Variants in RABGAP1 observed in about 807,000 individuals in gnomAD.
The protein encoded by RABGAP1 is rab GTPase-activating protein 1.
Under a neutral mutation model 137.6 loss-of-function variants are expected in RABGAP1, and 23 were observed. The observed-to-expected ratio is 0.17, with a 90% confidence interval of 0.12 to 0.24. The LOEUF (loss-of-function observed/expected upper bound fraction) is 0.24, where lower values mean the gene tolerates loss of function less well. RABGAP1 is among the 10% of genes least tolerant of loss of function. RABGAP1 has a pLI of 1.00. For missense variants in RABGAP1, 906 were observed against 1,275.8 expected, an observed-to-expected ratio of 0.71 and a Z score of 4.42; for synonymous variants, 451 against 450.7, an observed-to-expected ratio of 1.00 and a Z score of -0.01.
At chr9:123,056,880 T>G (rs1263222882) in intron 13 of RABGAP1, among the ~76,000 whole-genome samples, 1 of 152,260 alleles carries the variant, frequency 6.6e-6, no homozygotes, top group East Asian at 1.9e-4. Context: ...GTCTACTTTC[T>G]ACACAGACAC....
chr9:123,007,734 G>T (rs533552862), intron 10 of RABGAP1, among the ~76,000 whole-genome samples: 1 of 150,714 alleles, frequency 6.6e-6, no homozygotes, highest in East Asian at 1.9e-4. Flanking sequence ...TGTTTTTATT[G>T]GGGAAAATTG....
In RABGAP1 at chr9:122,944,696, G is replaced by A. The variant is rs900711531; in HGVS notation, c.-50+3603G>A. On this transcript the variant is annotated intron_variant, in intron 1 of 25. Coordinates refer to ENST00000373647, the MANE Select transcript of RABGAP1 (RefSeq NM_012197.4). ...AGAGGTTCTCCTGCCTCAGCTTCCC[G>A]AGTAGCTGGGACTACAGGCGCGCAC... Among the ~76,000 whole-genome samples the A allele has an allele frequency of 4.6e-5, 7 of 151,278 alleles. No individual in the cohort carries two copies. The South Asian group carries it at 8.3e-4, about 18-fold the overall frequency.
At chr9:123,019,554 ATCT>A (rs2031475968) in intron 12 of RABGAP1, among the ~76,000 whole-genome samples, 1 of 152,128 alleles carries the variant, frequency 6.6e-6, no homozygotes, top group Admixed American at 6.5e-5. Flanking sequence ...GGTTCAAGAA[ATCT>A]TCCCACCTTG....
chr9:123,079,986 A>T (rs1257181616), intron 19 of RABGAP1, among the ~76,000 whole-genome samples: 1 of 152,254 alleles, frequency 6.6e-6, no homozygotes, highest in Non-Finnish European at 1.5e-5. Context: ...TAAGTGAATG[A>T]ATAAATACAC....
At chr9:123,069,777 A>G (rs1718226124) in intron 14 of RABGAP1, among the ~76,000 whole-genome samples, 1 of 152,136 alleles carries the variant, frequency 6.6e-6, no homozygotes, top group Admixed American at 6.5e-5. Flanking sequence ...CAGGCTACTC[A>G]GGAGGCTGAT....
rs1447161514 is a variant in RABGAP1, at chr9:123,015,628, G to A, written c.1635G>A (p.Leu545=). The change falls in exon 12 of 26, where the codon TTG becomes TTA. Residue 545 remains leucine, a synonymous_variant. Transcript: ENST00000373647. ...TTCTTGAAACATGGGGAGAACTGTTGTCAAAATGGTAAGTTATGATAGAAT... is the reference window on the plus strand; with the variant it reads ...TTCTTGAAACATGGGGAGAACTGTTATCAAAATGGTAAGTTATGATAGAAT... The part of the protein sequence containing the change: ...EKILETWGEL[L]SKWHLNLNVR... 2 of 1,605,006 alleles carry A rather than the reference G, an allele frequency of 1.2e-6. No homozygotes were observed. The highest frequency in any genetic ancestry group is 8.5e-7 in the Non-Finnish European group (1 of 1,172,410).
At chr9:123,047,118 A>G (rs1429668853) in intron 13 of RABGAP1, among the ~76,000 whole-genome samples, 1 of 152,248 alleles carries the variant, frequency 6.6e-6, no homozygotes. Context: ...ACAACTGTTC[A>G]GAGTTTGGTT....
intron 13 of RABGAP1, among the ~76,000 whole-genome samples, chr9:123,060,401 T>C (rs2033922275): frequency 6.6e-6 from 1 of 152,230 alleles, no homozygotes; most frequent in Non-Finnish European, 1.5e-5. Context: ...AGAGGTTCAT[T>C]TGTATTGCTG....
In RABGAP1 at chr9:123,079,197, TTTG is replaced by T. The variant is rs761293146; in HGVS notation, c.2424+2447_2424+2449del. 9.1e-3 allele frequency among the ~76,000 whole-genome samples: 1,298 copies of T among 141,906 alleles called. 12 individuals carry two copies. The highest frequency in any genetic ancestry group is 0.027 in the South Asian group (102 of 3,822). 93.1% of individuals were successfully genotyped at this position (141,906 alleles called of 152,430 possible). On this transcript the variant is annotated intron_variant, in intron 19 of 25. Coordinates refer to ENST00000373647, the MANE Select transcript of RABGAP1 (RefSeq NM_012197.4). ...TGTTTCTTTTTTAAATTTGTTTGCT[TTTG>T]TTGTTGTTGTTTGTTTTTTTGTTTT...
chr9:122,960,196 C>T (rs959856671), intron 2 of RABGAP1, among the ~76,000 whole-genome samples: 2 of 152,198 alleles, frequency 1.3e-5, no homozygotes. Context: ...GGGAGGAGAT[C>T]ACCAAGGGTC....
At chr9:122,962,236 T>TAA (rs949036670) in intron 2 of RABGAP1, among the ~76,000 whole-genome samples, 1 of 147,686 alleles carries the variant, frequency 6.8e-6, no homozygotes, top group African/African-American at 2.5e-5. Flanking sequence ...GCTTAAAGAT[T>TAA]AAAAAAAAAA....
At chr9:122,982,266 T>C (rs188267341) in intron 2 of RABGAP1, among the ~76,000 whole-genome samples, 1 of 152,330 alleles carries the variant, frequency 6.6e-6, no homozygotes, top group Non-Finnish European at 1.5e-5. Flanking sequence ...GTTAAGGACA[T>C]TGAAGACAGT....
At chr9:123,044,626 C>CGTGTGT (rs68089109) in intron 13 of RABGAP1, among the ~76,000 whole-genome samples, 13,848 of 149,028 alleles carry the variant, frequency 0.093, 2,073 homozygotes, top group African/African-American at 0.32. Flanking sequence ...AACACACGTA[C>CGTGTGT]GTGTGTGTGT....
At chr9:123,010,577 C>A (rs2030720066) in intron 11 of RABGAP1, 49 bp downstream of exon 11, 2 of 1,519,898 alleles carry the variant, frequency 1.3e-6, no homozygotes, top group African/African-American at 2.8e-5. Flanking sequence ...GAAGACCATG[C>A]AAACTATTAA....
intron 2 of RABGAP1, among the ~76,000 whole-genome samples, chr9:122,961,927 A>C (rs1456145269): frequency 6.6e-6 from 1 of 152,224 alleles, no homozygotes; most frequent in Non-Finnish European, 1.5e-5. Flanking sequence ...CATAAGAATA[A>C]ATGAAGAAAA....
chr9:123,071,073 C>T (rs1432777225), intron 15 of RABGAP1, among the ~76,000 whole-genome samples: 1 of 152,106 alleles, frequency 6.6e-6, no homozygotes, highest in Non-Finnish European at 1.5e-5. Context: ...CTTCTAAATA[C>T]TTGATCATAT....
Position 123,089,948 on chromosome 9 carries a change from A to T in RABGAP1, c.2517+98A>T, listed in dbSNP as rs527986530. The T allele has an allele frequency of 2.1e-5, 23 of 1,097,128 alleles. No homozygotes were observed. In the African/African-American group the frequency reaches 3.0e-4, roughly 14 times the overall value. 68.0% of individuals were successfully genotyped at this position (1,097,128 alleles called of 1,614,324 possible). ...TTTATTGAGTCCTTTTTAAAATTCA[A>T]TTCCTCTGTAGGTTCAGGTTTGAGT... On this transcript the variant is annotated intron_variant, in intron 20 of 25. Coordinates refer to ENST00000373647, the MANE Select transcript of RABGAP1 (RefSeq NM_012197.4).
intron 12 of RABGAP1, 132 bp from the exon 13 acceptor site, chr9:123,020,175 CTT>C: frequency 1.3e-6 from 1 of 762,574 alleles, no homozygotes; most frequent in Non-Finnish European, 1.8e-6. Context: ...TTCAGAAGCA[CTT>C]TTTTTTCCCT....
chr9:123,044,741 C>A (rs584048), intron 13 of RABGAP1, among the ~76,000 whole-genome samples: 1 of 151,856 alleles, frequency 6.6e-6, no homozygotes, highest in South Asian at 2.1e-4. Flanking sequence ...TGCAAAATGC[C>A]ATGTAGTGTT....
Sources: allele counts gnomAD v4.1 joint callset (sites outside exome capture counted in the v4.1 genomes callset), GRCh38; gene constraint gnomAD v4.1.1; transcripts MANE v1.5; gene names NCBI Gene and HGNC (gene_info 2026-07-23, HGNC 2026-07-21).